PERP: variants seen among roughly 807,000 people sequenced by gnomAD.
PERP encodes p53 apoptosis effector related to PMP-22.
A neutral mutation model predicts 20.3 loss-of-function variants in PERP; 11 were observed. That is an observed-to-expected ratio of 0.54 (90% CI 0.34 to 0.90). The LOEUF (loss-of-function observed/expected upper bound fraction) is 0.90. PERP is among the 40% of genes least tolerant of loss of function. The pLI is 0.02. For missense variants in PERP, 224 were observed against 249.4 expected (o/e 0.90, Z 0.69); for synonymous variants, 101 against 102.0 (o/e 0.99, Z 0.06).
intron 2 of PERP, among the ~76,000 whole-genome samples, chr6:138,094,940 C>T (rs528252640): frequency 2.0e-5 from 3 of 152,212 alleles, no homozygotes; most frequent in East Asian, 1.9e-4. Flanking sequence ...AGGCTGGTCT[C>T]GAACTCCTGA....
At chr6:138,098,730 T>G (rs576626685) in intron 1 of PERP, among the ~76,000 whole-genome samples, 2 of 152,162 alleles carry the variant, frequency 1.3e-5, no homozygotes, top group Non-Finnish European at 2.9e-5. Context: ...TGGGGCACAA[T>G]AGATTATTAA....
At chr6:138,096,276 C>G (rs112472788) in intron 2 of PERP, 78 bp downstream of exon 2, 2 of 1,522,214 alleles carry the variant, frequency 1.3e-6, no homozygotes, top group South Asian at 1.2e-5. Context: ...AGTCACGGGT[C>G]TTCTTTGTGG....
chr6:138,094,154 C>T (rs752613922), intron 2 of PERP, among the ~76,000 whole-genome samples: 5 of 152,142 alleles, frequency 3.3e-5, no homozygotes, highest in Non-Finnish European at 7.4e-5. Flanking sequence ...TTATCATTTT[C>T]ACTTTCAATT....
chr6:138,092,245 C>G lies in PERP; in HGVS notation c.379G>C (p.Val127Leu). ...LAAVFQIISLVIYPVKYTQTF... is the reference protein window; with the variant it reads ...LAAVFQIISLLIYPVKYTQTF... Reference sequence around the variant, plus strand: ...TGGGTGTACTTCACGGGGTAAATTACCAGGGAGATGATCTGGAACACAGCT... The same window carrying G: ...TGGGTGTACTTCACGGGGTAAATTAGCAGGGAGATGATCTGGAACACAGCT... The change falls in exon 3 of 3, where the codon GTA (valine) becomes CTA (leucine). Residue 127 changes from valine to leucine, a missense_variant. Coordinates refer to ENST00000421351, the MANE Select transcript of PERP (RefSeq NM_022121.5). The G allele has an allele frequency of 6.2e-7, 1 of 1,613,788 alleles. No individual in the cohort carries two copies. The highest frequency in any genetic ancestry group is 1.1e-5 in the South Asian group (1 of 91,046).
chr6:138,096,769 C>T (rs1371507978), intron 1 of PERP, among the ~76,000 whole-genome samples: 1 of 152,158 alleles, frequency 6.6e-6, no homozygotes, highest in Non-Finnish European at 1.5e-5. Flanking sequence ...AGTCAAACTT[C>T]ATTAATCTGT....
At chr6:138,097,934 A>G (rs978168851) in intron 1 of PERP, among the ~76,000 whole-genome samples, 1 of 152,070 alleles carries the variant, frequency 6.6e-6, no homozygotes, top group Admixed American at 6.5e-5. Flanking sequence ...GGCAACCACA[A>G]ATCTACTTTC....
At chr6:138,104,342 T>A (rs1775814757) in intron 1 of PERP, among the ~76,000 whole-genome samples, 1 of 152,250 alleles carries the variant, frequency 6.6e-6, no homozygotes, top group Non-Finnish European at 1.5e-5. Flanking sequence ...GGTGTTAATT[T>A]AGCTGGTCAA....
intron 2 of PERP, among the ~76,000 whole-genome samples, chr6:138,092,921 A>G (rs1385860475): frequency 6.7e-6 from 1 of 150,188 alleles, no homozygotes; most frequent in East Asian, 1.9e-4. Context: ...TGTGGTGGGG[A>G]CAGAAAAAAC....
At chr6:138,096,305 C>T (rs756352919) in intron 2 of PERP, 49 bp downstream of exon 2, 21 of 1,601,102 alleles carry the variant, frequency 1.3e-5, no homozygotes, top group Middle Eastern at 3.3e-4. Context: ...ATTACTAAGT[C>T]GATGCCCACT....
intron 1 of PERP, among the ~76,000 whole-genome samples, chr6:138,097,072 C>G (rs575575496): frequency 2.6e-4 from 40 of 152,266 alleles, no homozygotes; most frequent in African/African-American, 8.2e-4. Context: ...TAGCTTATAA[C>G]AAGATCTTAT....
chr6:138,105,773 C>A (rs1424776322), intron 1 of PERP, among the ~76,000 whole-genome samples: 1 of 152,210 alleles, frequency 6.6e-6, no homozygotes, highest in Non-Finnish European at 1.5e-5. Context: ...AGTTCAGATG[C>A]ATTTTAACTA....
At position 138,096,488 on chromosome 6, in the gene PERP, C is replaced by G; in HGVS notation, c.221G>C (p.Gly74Ala). Residue 74 changes from glycine (G) to alanine (A), a missense_variant, in exon 2 of 3, where the codon GGT (glycine) becomes GCT (alanine). Gly to Ala is a moderately conservative substitution (Grantham distance 60). Transcript: ENST00000421351. Reference sequence around the variant, plus strand: ...GAAGAGCATGGCAGCCGCTGCTCTACCCCACGCTGCAAGAAAAAAAGAAAC... The same window carrying G: ...GAAGAGCATGGCAGCCGCTGCTCTAGCCCACGCTGCAAGAAAAAAAGAAAC... ...GCQSLMEYAW[G>A]RAAAAMLFCG... is the part of the protein sequence containing the mutation. 1 of 1,606,314 alleles carries G rather than the reference C, an allele frequency of 6.2e-7. No individual in the cohort carries two copies. The highest frequency in any genetic ancestry group is 8.5e-7 in the Non-Finnish European group (1 of 1,177,454).
At position 138,091,645 on chromosome 6, in the gene PERP, T is replaced by A. The variant is rs551964700; in HGVS notation, c.*397A>T. On this transcript the variant is annotated 3_prime_UTR_variant, in exon 3 of 3. Transcript: ENST00000421351. ...TTTAACCTTATCTTCCTCTTCTCCT[T>A]AGCCCTTAACAGACCGAGTCCATTC... The A allele has an allele frequency of 6.4e-6, 1 of 155,680 alleles. No individual in the cohort carries two copies. Among genetic ancestry groups the A allele is most frequent in the African/African-American group, 2.4e-5 (1 of 41,630 alleles). The allele number at this position is 155,680 out of a possible 1,614,324, so 9.6% of individuals were successfully genotyped here. A position where few individuals can be genotyped will look rare whatever the true frequency, so the allele number is the denominator to read the frequency against.
At chr6:138,096,183 G>T (rs1480532402) in intron 2 of PERP, among the ~76,000 whole-genome samples, 171 bp downstream of exon 2, 1 of 152,182 alleles carries the variant, frequency 6.6e-6, no homozygotes, top group Non-Finnish European at 1.5e-5. Context: ...AAGAGGAAAG[G>T]GAACCAGATC....
rs761276289 is a variant in PERP, at chr6:138,092,252, G to A, written c.372C>T (p.Ile124=). 2.5e-6 allele frequency: 4 copies of A among 1,613,860 alleles called. No individual in the cohort carries two copies. The highest frequency in any genetic ancestry group is 1.1e-5 in the South Asian group (1 of 91,050). The change falls in exon 3 of 3, where the codon ATC becomes ATT. Residue 124 remains isoleucine (I), a synonymous_variant. Transcript: ENST00000421351. The part of the protein sequence containing the change: ...LLALAAVFQI[I]SLVIYPVKYT... Reference sequence around the variant, plus strand: ...ACTTCACGGGGTAAATTACCAGGGAGATGATCTGGAACACAGCTAAAGGGA... The same window carrying A: ...ACTTCACGGGGTAAATTACCAGGGAAATGATCTGGAACACAGCTAAAGGGA...
chr6:138,104,192 G>C (rs1337547706), intron 1 of PERP, among the ~76,000 whole-genome samples: 2 of 152,162 alleles, frequency 1.3e-5, no homozygotes, highest in African/African-American at 4.8e-5. Context: ...TAGTATGAGT[G>C]AACATGCATT....
chr6:138,105,448 A>C (rs1775827965), intron 1 of PERP, among the ~76,000 whole-genome samples: 1 of 152,252 alleles, frequency 6.6e-6, no homozygotes, highest in Non-Finnish European at 1.5e-5. Flanking sequence ...GTATCAGTCT[A>C]AGGTGGAACA....
chr6:138,090,452 C>T lies in PERP; in HGVS notation c.*1590G>A, dbSNP rs915163981. The T allele has an allele frequency of 1.3e-5, 2 of 152,228 alleles. No homozygotes were observed. Among genetic ancestry groups the T allele is most frequent in the African/African-American group, 4.8e-5 (2 of 41,430 alleles). 9.4% of individuals were successfully genotyped at this position (152,228 alleles called of 1,614,324 possible). On this transcript the variant is annotated 3_prime_UTR_variant, in exon 3 of 3. Coordinates refer to ENST00000421351, the MANE Select transcript of PERP (RefSeq NM_022121.5). Reference sequence around the variant, plus strand: ...GGACCCCAGCACAAGGAGGAGGCTTCAGCTACACTGCACACATGTCCCCCG... The same window carrying T: ...GGACCCCAGCACAAGGAGGAGGCTTTAGCTACACTGCACACATGTCCCCCG...
chr6:138,095,926 C>T (rs966278667), intron 2 of PERP, among the ~76,000 whole-genome samples: 1 of 152,188 alleles, frequency 6.6e-6, no homozygotes, highest in Non-Finnish European at 1.5e-5. Context: ...TCAGGACCCA[C>T]ATCATAAGAT....
Sources: allele counts gnomAD v4.1 joint callset (sites outside exome capture counted in the v4.1 genomes callset), GRCh38; gene constraint gnomAD v4.1.1; transcripts MANE v1.5; gene names NCBI Gene and HGNC (gene_info 2026-07-23, HGNC 2026-07-21).